The following HLCS variants were observed in gnomAD, a reference collection of about 807,000 sequenced individuals.
The protein encoded by HLCS is biotin--protein ligase.
HLCS carries 53 observed loss-of-function variants against 75.0 expected under a neutral mutation model. The ratio of observed to expected loss-of-function variants is 0.71; its 90% CI spans 0.57 to 0.89. The LOEUF is 0.89. Ranked by LOEUF, HLCS falls within the 40% of genes least tolerant of loss-of-function variation. The probability of loss-of-function intolerance (pLI) is 0.00; values close to 1 mark genes in which losing one functional copy is unlikely to be tolerated. For missense variants in HLCS, 966 were observed against 1,074.0 expected (o/e 0.90, Z 1.41); for synonymous variants, 431 against 428.6 (o/e 1.01, Z -0.07).
At chr21:36,789,005 C>T (rs1158734578) in intron 6 of HLCS, among the ~76,000 whole-genome samples, 1 of 152,184 alleles carries the variant, frequency 6.6e-6, no homozygotes, top group Non-Finnish European at 1.5e-5. Flanking sequence ...GACGCATCTC[C>T]TATGGCCATA....
At chr21:36,882,340 C>A (rs894949047) in intron 6 of HLCS, among the ~76,000 whole-genome samples, 1 of 151,964 alleles carries the variant, frequency 6.6e-6, no homozygotes, top group Admixed American at 6.6e-5. Context: ...AGATGAGAAA[C>A]AGACCCGGAG....
At chr21:36,869,975 C>G (rs1453228741) in intron 6 of HLCS, among the ~76,000 whole-genome samples, 1 of 152,166 alleles carries the variant, frequency 6.6e-6, no homozygotes, top group African/African-American at 2.4e-5. Flanking sequence ...AGAAAACCAC[C>G]TTTAAAATAA....
intron 6 of HLCS, among the ~76,000 whole-genome samples, chr21:36,835,035 C>T (rs2062361576): frequency 6.6e-6 from 1 of 152,178 alleles, no homozygotes; most frequent in South Asian, 2.1e-4. Context: ...TCGAGATTCC[C>T]AGGTGAGGGT....
At chr21:36,800,442 A>G (rs544698151) in intron 6 of HLCS, among the ~76,000 whole-genome samples, 5 of 152,308 alleles carry the variant, frequency 3.3e-5, no homozygotes, top group African/African-American at 9.6e-5. Flanking sequence ...AGTCACAGGA[A>G]TGATAACAGT....
intron 6 of HLCS, among the ~76,000 whole-genome samples, chr21:36,828,585 T>C (rs1052685805): frequency 2.0e-5 from 3 of 152,194 alleles, no homozygotes; most frequent in East Asian, 3.8e-4. Flanking sequence ...ATATTTTCAC[T>C]AACAGCAAAA....
At chr21:36,756,799 A>C in intron 9 of HLCS, 44 bp from the exon 10 acceptor site, 1 of 1,612,932 alleles carries the variant, frequency 6.2e-7, no homozygotes, top group Non-Finnish European at 8.5e-7. Context: ...TGTTGATGGC[A>C]TCACACATTC....
intron 6 of HLCS, among the ~76,000 whole-genome samples, chr21:36,794,529 C>A (rs1249395401): frequency 6.6e-6 from 1 of 151,814 alleles, no homozygotes; most frequent in East Asian, 1.9e-4. Flanking sequence ...ACACTCTGTG[C>A]GTATGGGGTT....
Position 36,937,184 on chromosome 21 carries a change from C to G in HLCS, c.702G>C (p.Gly234=), listed in dbSNP as rs373193883. Residue 234 remains glycine (G), a synonymous_variant, in exon 4 of 11, where the codon GGG becomes GGC. Coordinates refer to ENST00000674895, the MANE Select transcript of HLCS (RefSeq NM_001352514.2). ...CGGGGCCCCCTCCCCTGTCACTGTC[C>G]CCAGCAGGCTCACTCCCAGAGGCAC... ...RGSASGSEPA[G]DSDRGGGPVE... 1 of 1,614,116 alleles carries G rather than the reference C, an allele frequency of 6.2e-7. No individual in the cohort carries two copies. The highest frequency in any genetic ancestry group is 8.5e-7 in the Non-Finnish European group (1 of 1,180,014).
rs35700333 is a variant in HLCS, at chr21:36,952,789, CAAAAAAAAAAA to C, written c.330+9236_330+9246del. On this transcript the variant is annotated intron_variant, in intron 2 of 10. Coordinates refer to ENST00000674895, the MANE Select transcript of HLCS (RefSeq NM_001352514.2). The stretch of plus-strand genomic sequence containing the variant: ...CTGGTGACAGAGTGAGACTCCGTCT[CAAAAAAAAAAA>C]AAAAAAAAAAAAGAATTAAGTAACC... 1.7e-3 allele frequency among the ~76,000 whole-genome samples: 82 copies of C among 48,868 alleles called. 1 individual carries two copies. In the South Asian group the frequency reaches 0.034, roughly 20 times the overall value. The allele number at this position is 48,868 out of a possible 152,430, so 32.1% of individuals were successfully genotyped here. A position where few individuals can be genotyped will look rare whatever the true frequency, so the allele number is the denominator to read the frequency against.
At chr21:36,866,202 G>T (rs1383967923) in intron 6 of HLCS, among the ~76,000 whole-genome samples, 1 of 61,882 alleles carries the variant, frequency 1.6e-5, no homozygotes, top group Non-Finnish European at 3.0e-5. Context: ...TCGGGGCAGA[G>T]GTGGGGGAAG....
intron 6 of HLCS, among the ~76,000 whole-genome samples, chr21:36,824,457 G>T (rs1034997626): frequency 2.6e-5 from 4 of 152,142 alleles, no homozygotes; most frequent in African/African-American, 9.7e-5. Flanking sequence ...GAAAAGGGGA[G>T]GGAGAGCATC....
chr21:36,802,040 A>G (rs2061220014), intron 6 of HLCS, among the ~76,000 whole-genome samples: 1 of 152,204 alleles, frequency 6.6e-6, no homozygotes, highest in Non-Finnish European at 1.5e-5. Context: ...GAATACAACT[A>G]TTTTATACAC....
At chr21:36,982,386 A>G (rs1208218903) in intron 1 of HLCS, among the ~76,000 whole-genome samples, 1 of 152,226 alleles carries the variant, frequency 6.6e-6, no homozygotes, top group Non-Finnish European at 1.5e-5. Context: ...GCATACGTCC[A>G]GCAAGCTAAT....
intron 1 of HLCS, among the ~76,000 whole-genome samples, chr21:36,972,759 T>G (rs966166718): frequency 1.3e-5 from 2 of 152,224 alleles, no homozygotes; most frequent in African/African-American, 4.8e-5. Context: ...ATAACTAATT[T>G]GAAATGGGTA....
At chr21:36,804,721 T>G (rs1375418990) in intron 6 of HLCS, among the ~76,000 whole-genome samples, 1 of 152,170 alleles carries the variant, frequency 6.6e-6, no homozygotes, top group African/African-American at 2.4e-5. Flanking sequence ...GGGCAAGTGC[T>G]TGTATTTATT....
intron 1 of HLCS, among the ~76,000 whole-genome samples, chr21:36,984,350 A>G (rs1041180038): frequency 6.6e-6 from 1 of 152,190 alleles, no homozygotes; most frequent in Admixed American, 6.5e-5. Context: ...TAATAATAAA[A>G]TAGGGTAATA....
chr21:36,825,557 G>A (rs2061981015), intron 6 of HLCS, among the ~76,000 whole-genome samples: 1 of 152,124 alleles, frequency 6.6e-6, no homozygotes, highest in African/African-American at 2.4e-5. Context: ...AAGTAAGTTA[G>A]CCTTCTTGTT....
At chr21:36,782,146 T>A (rs985640540) in intron 6 of HLCS, among the ~76,000 whole-genome samples, 8 of 152,192 alleles carry the variant, frequency 5.3e-5, no homozygotes, top group Non-Finnish European at 8.8e-5. Flanking sequence ...CTTTAACAGA[T>A]TTAAGTATCA....
chr21:36,879,491 T>C (rs1323538683), intron 6 of HLCS, among the ~76,000 whole-genome samples: 1 of 152,214 alleles, frequency 6.6e-6, no homozygotes, highest in Admixed American at 6.5e-5. Flanking sequence ...TTAACAAACA[T>C]ATTAAATACC....
Sources: allele counts gnomAD v4.1 joint callset (sites outside exome capture counted in the v4.1 genomes callset), GRCh38; gene constraint gnomAD v4.1.1; transcripts MANE v1.5; gene names NCBI Gene and HGNC (gene_info 2026-07-23, HGNC 2026-07-21).